PPAN: variants seen among roughly 807,000 people sequenced by gnomAD.
PPAN encodes suppressor of SWI4 1 homolog.
PPAN carries 39 observed loss-of-function variants against 48.5 expected under a neutral mutation model. The ratio of observed to expected loss-of-function variants is 0.80; its 90% CI spans 0.62 to 1.05. The LOEUF is 1.05. Ranked by LOEUF, PPAN falls within the 50% of genes least tolerant of loss-of-function variation. The pLI is 0.00. For synonymous variants in PPAN, 315 were observed against 268.6 expected, an observed-to-expected ratio of 1.17 and a Z score of -1.69; for missense variants, 736 against 661.7, an observed-to-expected ratio of 1.11 and a Z score of -1.23.
upstream of PPAN, chr19:10,106,312 C>G: frequency 6.5e-7 from 1 of 1,542,616 alleles, no homozygotes; most frequent in Non-Finnish European, 8.7e-7. Flanking sequence ...CGTCCCACGC[C>G]GTGCCGGCTC....
chr19:10,107,452 T>C (rs888949777), intron 2 of PPAN, 53 bp from the exon 3 acceptor site: 63 of 1,590,312 alleles, frequency 4.0e-5, no homozygotes, highest in Non-Finnish European at 5.0e-5. Context: ...AGCTTATAGT[T>C]GTCACAACAA....
In PPAN at chr19:10,110,402, G is replaced by T; in HGVS notation, c.901G>T (p.Val301Leu). 1 of 1,613,502 alleles carries T rather than the reference G, an allele frequency of 6.2e-7. No homozygotes were observed. The highest frequency in any genetic ancestry group is 8.5e-7 in the Non-Finnish European group (1 of 1,179,966). ...GEGKVMFHSF[V>L]SKTEEELQAI... ...GGGCAAAGTGATGTTCCACAGTTTT[G>T]GTGAGGCCGGGGCCGCCGGGGGTGG... The change falls in exon 9 of 12, where the codon GTG (valine) becomes TTG (leucine). Residue 301 changes from valine to leucine, a missense_variant and splice_region_variant. By Grantham distance (32) the Val-to-Leu change is conservative (BLOSUM62 1). Transcript: ENST00000253107. This position sits in a 1 kb window ranked among gnomAD's most constrained non-coding sequence, Gnocchi z 5.9.
chr19:10,111,663 A>G lies in PPAN; in HGVS notation c.*498A>G. The stretch of plus-strand genomic sequence containing the variant: ...GGCAGGGCCCACTAAGCCACTGGTG[A>G]CTGGGGGAGGGGCTGGGGAACTGGG... On this transcript the variant is annotated 3_prime_UTR_variant, in exon 12 of 12. Transcript: ENST00000253107. The G allele has an allele frequency of 1.2e-6, 2 of 1,610,924 alleles. No homozygotes were observed. The highest frequency in any genetic ancestry group is 1.7e-6 in the Non-Finnish European group (2 of 1,178,050).
intron 2 of PPAN, 86 bp downstream of exon 2, chr19:10,106,757 G>A: frequency 6.9e-7 from 1 of 1,455,884 alleles, no homozygotes; most frequent in South Asian, 1.4e-5. Context: ...TAAAACTGTG[G>A]GAGGACTTAA....
In PPAN at chr19:10,109,675, C is replaced by T. The variant is rs147459098; in HGVS notation, c.558C>T (p.Asn186=). Residue 186 remains asparagine, a synonymous_variant, in exon 6 of 12, where the codon AAC becomes AAT. Coordinates refer to ENST00000253107, the MANE Select transcript of PPAN (RefSeq NM_020230.7). ...TIKRCLLIDY[N]PDSQELDFRH... is the part of the protein sequence containing the mutation. Reference sequence around the variant, plus strand: ...AGCGCTGCCTCCTCATCGACTACAACCCCGACTCCCAGGAGCTGGACTTCC... The same window carrying T: ...AGCGCTGCCTCCTCATCGACTACAATCCCGACTCCCAGGAGCTGGACTTCC... The T allele has an allele frequency of 1.1e-4, 178 of 1,614,058 alleles. No homozygotes were observed. Among genetic ancestry groups the T allele is most frequent in the Middle Eastern group, 4.9e-4 (3 of 6,062 alleles).
At position 10,111,134 on chromosome 19, in the gene PPAN, G is replaced by A. The variant is rs1463564705; in HGVS notation, c.1391G>A (p.Gly464Asp). 1.9e-6 allele frequency: 3 copies of A among 1,604,460 alleles called. No homozygotes were observed. The highest frequency in any genetic ancestry group is 1.7e-4 in the Middle Eastern group (1 of 5,788). ...TCCCGGGATGGTGGGCGAGGCCGGG[G>A]CCGGGGCCGCCCAGGGAAGAGAGTG... The part of the protein sequence containing the change: ...GASRDGGRGR[G>D]RGRPGKRVA Residue 464 changes from glycine to aspartate, a missense_variant, in exon 12 of 12, where the codon GGC (glycine) becomes GAC (aspartate). Physicochemically the swap from Gly to Asp is moderately conservative, Grantham distance 94. Coordinates refer to ENST00000253107, the MANE Select transcript of PPAN (RefSeq NM_020230.7).
chr19:10,106,593 C>G lies in PPAN; in HGVS notation c.111C>G (p.Gly37=). ...ANPHSFVFTR[G]CTGRNIRQLS... is the part of the protein sequence containing the mutation. ...CGCACTCGTTCGTGTTCACGCGAGG[C>G]TGCACGGGTCGCAACATCCGGCAGC... The change falls in exon 2 of 12, where the codon GGC becomes GGG. Residue 37 remains glycine, a synonymous_variant. Transcript: ENST00000253107. 1 of 1,551,098 alleles carries G rather than the reference C, an allele frequency of 6.4e-7. No homozygotes were observed. The highest frequency in any genetic ancestry group is 1.2e-5 in the South Asian group (1 of 84,242).
chr19:10,108,456 G>A (rs1329507288), intron 5 of PPAN, among the ~76,000 whole-genome samples: 1 of 152,126 alleles, frequency 6.6e-6, no homozygotes. Context: ...GTTTTACAGA[G>A]GGAAGCTGCG....
rs777432975 is a variant in PPAN, at chr19:10,109,740, G to A, written c.590+33G>A. 28 of 1,607,756 alleles carry A rather than the reference G, an allele frequency of 1.7e-5. No homozygotes were observed. The African/African-American group carries it at 2.8e-4, about 16-fold the overall frequency. On this transcript the variant is annotated intron_variant, in intron 6 of 11. Coordinates refer to ENST00000253107, the MANE Select transcript of PPAN (RefSeq NM_020230.7). ...TCCCAGCAGGATGGGAGACGAGGGG[G>A]TGCCGGGTGGGGGCCTCCACATGCG...
In PPAN at chr19:10,111,678, G is replaced by A; in HGVS notation, c.*513G>A. 1.2e-6 allele frequency: 2 copies of A among 1,613,316 alleles called. No individual in the cohort carries two copies. Among genetic ancestry groups the A allele is most frequent in the Admixed American group, 1.7e-5 (1 of 59,984 alleles). Reference sequence around the variant, plus strand: ...GCCACTGGTGACTGGGGGAGGGGCTGGGGAACTGGGTAGCAGACACAGGCT... The same window carrying A: ...GCCACTGGTGACTGGGGGAGGGGCTAGGGAACTGGGTAGCAGACACAGGCT... On this transcript the variant is annotated 3_prime_UTR_variant, in exon 12 of 12. Transcript: ENST00000253107.
chr19:10,106,774 C>G, intron 2 of PPAN, 103 bp downstream of exon 2: 1 of 1,431,320 alleles, frequency 7.0e-7, no homozygotes, highest in Non-Finnish European at 9.2e-7. Context: ...TTAAGTCTCC[C>G]CAGCTGGAAA....
At position 10,111,095 on chromosome 19, in the gene PPAN, G is replaced by T; in HGVS notation, c.1352G>T (p.Gly451Val). Residue 451 changes from glycine (G) to valine (V), a missense_variant, in exon 12 of 12, where the codon GGG (glycine) becomes GTG (valine). Gly to Val is a moderately radical substitution (Grantham distance 109). Transcript: ENST00000253107. ...DKSQGAQARRGPRGASRDGGR... is the reference protein window; with the variant it reads ...DKSQGAQARRVPRGASRDGGR... Reference sequence around the variant, plus strand: ...TCCCAGGGAGCCCAGGCCAGGCGGGGGCCCAGAGGGGCTTCCCGGGATGGT... The same window carrying T: ...TCCCAGGGAGCCCAGGCCAGGCGGGTGCCCAGAGGGGCTTCCCGGGATGGT... 6 of 1,612,916 alleles carry T rather than the reference G, an allele frequency of 3.7e-6. No individual in the cohort carries two copies. The Middle Eastern group carries it at 8.3e-4, about 222-fold the overall frequency.
Position 10,111,119 on chromosome 19 carries a change from G to T in PPAN, c.1376G>T (p.Gly459Val). Residue 459 changes from glycine to valine, a missense_variant, in exon 12 of 12, where the codon GGT (glycine) becomes GTT (valine). Physicochemically the swap from Gly to Val is moderately radical, Grantham distance 109. Transcript: ENST00000253107. The stretch of plus-strand genomic sequence containing the variant: ...GGGCCCAGAGGGGCTTCCCGGGATG[G>T]TGGGCGAGGCCGGGGCCGGGGCCGC... ...RRGPRGASRD[G>V]GRGRGRGRPG... The T allele has an allele frequency of 1.2e-6, 2 of 1,610,038 alleles. No homozygotes were observed. The highest frequency in any genetic ancestry group is 2.2e-5 in the East Asian group (1 of 44,784).
rs763966964 is a variant in PPAN at position 10,110,572 on chromosome 19, C to T, written c.989C>T (p.Ala330Val). ...AAGGCGCAGAGGCAGGCCCAGCAGG[C>T]CCAGAATGTGCAGCGCAAGCAGGAG... ...RLKAQRQAQQAQNVQRKQEQR... is the reference protein window; with the variant it reads ...RLKAQRQAQQVQNVQRKQEQR... The change falls in exon 10 of 12, where the codon GCC becomes GTC. Residue 330 changes from alanine (A) to valine (V), a missense_variant. Physicochemically the swap from Ala to Val is moderately conservative, Grantham distance 64. Transcript: ENST00000253107. The surrounding 1 kb of genome is among the most constrained non-coding windows in gnomAD (Gnocchi z 5.9). The T allele has an allele frequency of 6.9e-6, 11 of 1,604,442 alleles. No homozygotes were observed. Among genetic ancestry groups the T allele is most frequent in the South Asian group, 4.4e-5 (4 of 90,464 alleles).
Position 10,108,114 on chromosome 19 carries a change from C to A in PPAN, c.493C>A (p.Pro165Thr), listed in dbSNP as rs1303137293. The change falls in exon 5 of 12, where the codon CCC becomes ACC. Residue 165 changes from proline to threonine, a missense_variant. Coordinates refer to ENST00000253107, the MANE Select transcript of PPAN (RefSeq NM_020230.7). ...LMATMFQNLFPSINVHKVNLN... is the reference protein window; with the variant it reads ...LMATMFQNLFTSINVHKVNLN... ...GGCCACCATGTTCCAGAACCTGTTC[C>A]CCTCCATCAACGTGCACAAGGTGGG... 3.7e-6 allele frequency: 6 copies of A among 1,612,232 alleles called. No homozygotes were observed. The Admixed American group carries it at 8.4e-5, about 22-fold the overall frequency.
At chr19:10,106,324 C>T, upstream of PPAN, 1 of 1,545,522 alleles carries the variant, frequency 6.5e-7, no homozygotes. Context: ...TGCCGGCTCT[C>T]AGGCGCCGGA....
chr19:10,109,921 A>G lies in PPAN; in HGVS notation c.599A>G (p.Lys200Arg), dbSNP rs1240613437. 8 of 1,613,888 alleles carry G rather than the reference A, an allele frequency of 5.0e-6. No homozygotes were observed. In the East Asian group the frequency reaches 8.9e-5, roughly 18 times the overall value. The stretch of plus-strand genomic sequence containing the variant: ...CACTCATGTTCCTGCAGTAGCATCA[A>G]AGTTGTTCCTGTGGGCGCGAGTCGC... The part of the protein sequence containing the change: ...QELDFRHYSI[K>R]VVPVGASRGM... The change falls in exon 7 of 12, where the codon AAA becomes AGA. Residue 200 changes from lysine (K) to arginine (R), a missense_variant. Lys to Arg is a conservative substitution (Grantham distance 26, BLOSUM62 2). Transcript: ENST00000253107.
chr19:10,107,988 T>C lies in PPAN; in HGVS notation c.367T>C (p.Ser123Pro), dbSNP rs1173176706. ...KKYSLVRDVVSSLRRHRMHEQ... is the reference protein window; with the variant it reads ...KKYSLVRDVVPSLRRHRMHEQ... ...GTACTCGCTGGTGCGTGATGTGGTC[T>C]CCTCACTGCGCCGGCACCGCATGCA... Residue 123 changes from serine (S) to proline (P), a missense_variant, in exon 5 of 12, where the codon TCC becomes CCC. By Grantham distance (74) the Ser-to-Pro change is moderately conservative (BLOSUM62 -1). Transcript: ENST00000253107. The C allele has an allele frequency of 2.5e-6, 4 of 1,609,656 alleles. No homozygotes were observed. The Admixed American group carries it at 6.7e-5, about 27-fold the overall frequency.
At chr19:10,109,789 G>A in intron 6 of PPAN, 82 bp downstream of exon 6, 1 of 1,588,122 alleles carries the variant, frequency 6.3e-7, no homozygotes, top group South Asian at 1.1e-5. Context: ...CTTCTGCTGA[G>A]ACGCTGTGAT....
Sources: allele counts gnomAD v4.1 joint callset (sites outside exome capture counted in the v4.1 genomes callset), GRCh38; gene constraint gnomAD v4.1.1; non-coding constraint Gnocchi (gnomAD v3.1); transcripts MANE v1.5; gene names NCBI Gene and HGNC (gene_info 2026-07-23, HGNC 2026-07-21).